Variants in BLNK observed in about 807,000 individuals in gnomAD.
The protein encoded by BLNK is B cell linker.
BLNK carries 29 observed loss-of-function variants against 73.5 expected under a neutral mutation model. That is an observed-to-expected ratio of 0.39 (90% CI 0.29 to 0.54). BLNK has a LOEUF of 0.54. Among genes scored for constraint, BLNK ranks in the 20% least tolerant of loss-of-function variants. BLNK has a pLI of 0.61. For missense variants in BLNK, 460 were observed against 562.8 expected (o/e 0.82, Z 1.85); for synonymous variants, 176 against 200.8 (o/e 0.88, Z 1.04).
chr10:96,191,295 G>A lies in BLNK; in HGVS notation c.*678C>T, dbSNP rs190418366. On this transcript the variant is annotated 3_prime_UTR_variant, in exon 17 of 17. Coordinates refer to ENST00000224337, the MANE Select transcript of BLNK (RefSeq NM_013314.4). Reference sequence around the variant, plus strand: ...TCTTGAGTATGTCTTTATTAGCAGCGTGATAATGGACTAATACAAACCTCA... The same window carrying A: ...TCTTGAGTATGTCTTTATTAGCAGCATGATAATGGACTAATACAAACCTCA... Among the ~76,000 whole-genome samples, 7 of 145,518 alleles carry A rather than the reference G, an allele frequency of 4.8e-5. No individual in the cohort carries two copies. Among genetic ancestry groups the A allele is most frequent in the South Asian group, 2.1e-4 (1 of 4,666 alleles).
At chr10:96,234,102 G>C (rs1308568028) in intron 3 of BLNK, among the ~76,000 whole-genome samples, 1 of 152,226 alleles carries the variant, frequency 6.6e-6, no homozygotes, top group African/African-American at 2.4e-5. Flanking sequence ...TTTGGGAGCT[G>C]GGTTGGAAGC....
At chr10:96,204,655 ATGTC>A in intron 11 of BLNK, 39 bp from the exon 12 acceptor site, 1 of 1,601,330 alleles carries the variant, frequency 6.2e-7, no homozygotes, top group Non-Finnish European at 8.6e-7. Context: ...TTAGAGTGAA[ATGTC>A]TGTCCTCATC....
intron 1 of BLNK, among the ~76,000 whole-genome samples, chr10:96,264,581 A>T (rs956353691): frequency 1.3e-5 from 2 of 151,716 alleles, no homozygotes; most frequent in Admixed American, 1.3e-4. Flanking sequence ...CAATTTAAAG[A>T]GTTATTTTGG....
At chr10:96,192,671 C>A (rs1372915607) in intron 16 of BLNK, among the ~76,000 whole-genome samples, 1 of 152,108 alleles carries the variant, frequency 6.6e-6, no homozygotes, top group East Asian at 1.9e-4. Flanking sequence ...ATGCTAGGCT[C>A]TCTCCATACA....
At chr10:96,253,974 T>C (rs1327183178) in intron 1 of BLNK, among the ~76,000 whole-genome samples, 2 of 150,228 alleles carry the variant, frequency 1.3e-5, no homozygotes, top group Non-Finnish European at 3.0e-5. Flanking sequence ...TGAGCCGAGA[T>C]CGTGCCACTG....
At chr10:96,258,018 A>G (rs1179130947) in intron 1 of BLNK, among the ~76,000 whole-genome samples, 1 of 152,172 alleles carries the variant, frequency 6.6e-6, no homozygotes, top group African/African-American at 2.4e-5. Flanking sequence ...TTTAGTGACT[A>G]TCCTGTTACT....
Position 96,227,572 on chromosome 10 carries a change from A to C in BLNK, c.205-6T>G. 6.2e-7 allele frequency: 1 copy of C among 1,613,968 alleles called. No individual in the cohort carries two copies. ...GGATTTTCATAGTCGCTGTCCTGCAAGTGCAGATGCAGACACTGTGCTCAG... is the reference window on the plus strand; with the variant it reads ...GGATTTTCATAGTCGCTGTCCTGCACGTGCAGATGCAGACACTGTGCTCAG... On this transcript the variant is annotated splice_polypyrimidine_tract_variant and splice_region_variant and intron_variant, in intron 4 of 16. Coordinates refer to ENST00000224337, the MANE Select transcript of BLNK (RefSeq NM_013314.4).
intron 1 of BLNK, among the ~76,000 whole-genome samples, chr10:96,256,446 T>G (rs575969965): frequency 1.3e-5 from 2 of 152,354 alleles, no homozygotes; most frequent in South Asian, 4.1e-4. Flanking sequence ...GCTGATTCTC[T>G]AGTTGACTTC....
chr10:96,267,161 T>G (rs2134154467), intron 1 of BLNK, among the ~76,000 whole-genome samples: 1 of 152,358 alleles, frequency 6.6e-6, no homozygotes, highest in Middle Eastern at 3.4e-3. Context: ...ATGTGGTCTC[T>G]GTGCTTAAAG....
chr10:96,189,798 A>C lies in BLNK; in HGVS notation c.*2175T>G, dbSNP rs2083300698. 1.7e-5 allele frequency: 17 copies of C among 1,001,416 alleles called. No individual in the cohort carries two copies. The highest frequency in any genetic ancestry group is 2.5e-5 in the Non-Finnish European group (16 of 636,914). 62.0% of individuals were successfully genotyped at this position (1,001,416 alleles called of 1,614,324 possible). ...TTGCTACCACCTCCAGGGACAGATC[A>C]CTTTCCAGATATCCTTAAGAGTTTC... is the stretch of plus-strand genomic sequence containing the variant. On this transcript the variant is annotated 3_prime_UTR_variant, in exon 17 of 17. Transcript: ENST00000224337.
At chr10:96,248,561 C>T (rs1314138337) in intron 1 of BLNK, among the ~76,000 whole-genome samples, 2 of 152,076 alleles carry the variant, frequency 1.3e-5, no homozygotes, top group Non-Finnish European at 2.9e-5. Context: ...TGACTTTTGA[C>T]CCAGCAATTG....
intron 1 of BLNK, among the ~76,000 whole-genome samples, chr10:96,264,444 A>T (rs1319835390): frequency 6.6e-6 from 1 of 152,226 alleles, no homozygotes. Context: ...TGAGCATCTG[A>T]CATTACAAGA....
At chr10:96,227,799 A>T (rs77674477) in intron 4 of BLNK, among the ~76,000 whole-genome samples, 1 of 152,342 alleles carries the variant, frequency 6.6e-6, no homozygotes, top group East Asian at 1.9e-4. Flanking sequence ...CACAGGAACT[A>T]CTTAACGCTA....
In BLNK at chr10:96,239,851, T is replaced by C. The variant is rs587608803; in HGVS notation, c.163+2884A>G. On this transcript the variant is annotated intron_variant, in intron 3 of 16. Coordinates refer to ENST00000224337, the MANE Select transcript of BLNK (RefSeq NM_013314.4). The stretch of plus-strand genomic sequence containing the variant: ...GTGGATCAGCAGGCAGACAGGTGAG[T>C]GTGAGGGGACAATCAGGAGGGAGGT... 1.9e-3 allele frequency among the ~76,000 whole-genome samples: 294 copies of C among 151,904 alleles called. 1 individual carries two copies. Among genetic ancestry groups the C allele is most frequent in the Non-Finnish European group, 3.5e-3 (237 of 67,924 alleles).
At chr10:96,228,788 A>G (rs1240815448) in intron 4 of BLNK, among the ~76,000 whole-genome samples, 2 of 152,256 alleles carry the variant, frequency 1.3e-5, no homozygotes, top group African/African-American at 4.8e-5. Flanking sequence ...GACTCAGGAC[A>G]TAAGAGGTCC....
intron 1 of BLNK, among the ~76,000 whole-genome samples, chr10:96,256,097 T>C (rs1554911048): frequency 6.6e-6 from 1 of 151,734 alleles, no homozygotes; most frequent in African/African-American, 2.4e-5. Flanking sequence ...TTTGGGAGGC[T>C]GAGGAGGGTG....
intron 8 of BLNK, among the ~76,000 whole-genome samples, chr10:96,213,715 G>A (rs2083999427): frequency 6.6e-6 from 1 of 152,236 alleles, no homozygotes; most frequent in Admixed American, 6.5e-5. Flanking sequence ...TTCTCTAAAG[G>A]AGGGTTGAGG....
intron 11 of BLNK, 41 bp downstream of exon 11, chr10:96,206,970 T>A: frequency 6.3e-7 from 1 of 1,592,986 alleles, no homozygotes; most frequent in Admixed American, 1.7e-5. Context: ...ATAAAATAAC[T>A]TTTAGAGGAC....
chr10:96,195,588 G>A (rs1554894498), intron 16 of BLNK, among the ~76,000 whole-genome samples: 1 of 152,210 alleles, frequency 6.6e-6, no homozygotes, highest in African/African-American at 2.4e-5. Context: ...GATTCCACTT[G>A]TATGAGGTAT....
Sources: gnomAD v4.1 joint callset for allele counts (sites outside exome capture counted in the v4.1 genomes callset) on GRCh38, gnomAD v4.1.1 for gene constraint, MANE v1.5 for transcripts, NCBI Gene and HGNC (gene_info 2026-07-23, HGNC 2026-07-21) for gene names.